The following HEMK2 variants were observed in gnomAD, a reference collection of about 807,000 sequenced individuals.
The protein encoded by HEMK2 is HemK methyltransferase 2, ETF1 glutamine and histone H4 lysine.
the HEMK2 span, among the ~76,000 whole-genome samples, chr21:28,682,570 A>G: frequency 3.9e-5 from 6 of 152,192 alleles, no homozygotes; most frequent in African/African-American, 1.4e-4. Flanking sequence ...CCAAAGGATT[A>G]TAAATCATGC....
At chr21:28,838,735 T>C in the HEMK2 span, among the ~76,000 whole-genome samples, 1 of 151,000 alleles carries the variant, frequency 6.6e-6, no homozygotes, top group African/African-American at 2.4e-5. Context: ...AAGTCGGTAG[T>C]TCGAGACCAG....
chr21:28,870,949 A>C, the HEMK2 span, among the ~76,000 whole-genome samples: 2 of 152,140 alleles, frequency 1.3e-5, no homozygotes, highest in Non-Finnish European at 2.9e-5. Context: ...TTAGTTTCAG[A>C]GTTCTATATT....
At chr21:28,847,332 G>T in the HEMK2 span, among the ~76,000 whole-genome samples, 2 of 152,100 alleles carry the variant, frequency 1.3e-5, no homozygotes, top group Admixed American at 1.3e-4. Flanking sequence ...ATGCAAGATG[G>T]CATGTCATCG....
the HEMK2 span, among the ~76,000 whole-genome samples, chr21:28,779,020 G>A: frequency 3.9e-5 from 6 of 152,136 alleles, no homozygotes; most frequent in African/African-American, 1.4e-4. Flanking sequence ...AGGACAAGGA[G>A]ACTTGAAGCT....
At chr21:28,601,604 A>ATCTCTCTCTCTC in the HEMK2 span, among the ~76,000 whole-genome samples, 813 of 126,724 alleles carry the variant, frequency 6.4e-3, 11 homozygotes, top group African/African-American at 0.016. Context: ...ACCTTCTGAC[A>ATCTCTCTCTCTC]TCTCTCTCTC....
chr21:28,855,569 C>T, the HEMK2 span, among the ~76,000 whole-genome samples: 2 of 152,184 alleles, frequency 1.3e-5, no homozygotes, highest in East Asian at 1.9e-4. Flanking sequence ...ACATTCTTCT[C>T]ATTTGCACAT....
At chr21:28,586,791 C>T in the HEMK2 span, among the ~76,000 whole-genome samples, 1 of 152,184 alleles carries the variant, frequency 6.6e-6, no homozygotes, top group Non-Finnish European at 1.5e-5. Flanking sequence ...TGAGAGCCCA[C>T]TTTCTGGTTC....
chr21:28,612,188 A>T, the HEMK2 span, among the ~76,000 whole-genome samples: 1 of 151,616 alleles, frequency 6.6e-6, no homozygotes, highest in African/African-American at 2.4e-5. Context: ...AAAAAAAAAA[A>T]TCTAGCTAGC....
chr21:28,677,362 C>A, the HEMK2 span, among the ~76,000 whole-genome samples: 18 of 152,340 alleles, frequency 1.2e-4, no homozygotes, highest in Non-Finnish European at 2.2e-4. Flanking sequence ...GGGTGTCCAC[C>A]ATTGCCGAGG....
At chr21:28,721,200 C>A in the HEMK2 span, among the ~76,000 whole-genome samples, 1 of 152,152 alleles carries the variant, frequency 6.6e-6, no homozygotes, top group African/African-American at 2.4e-5. Context: ...AATGAAGCCT[C>A]GACCTCCAGG....
the HEMK2 span, among the ~76,000 whole-genome samples, chr21:28,729,806 C>T: frequency 6.6e-6 from 1 of 152,158 alleles, no homozygotes; most frequent in South Asian, 2.1e-4. Flanking sequence ...GGAGAGTTTT[C>T]ACGTTGAGGT....
At chr21:28,782,691 C>T in the HEMK2 span, among the ~76,000 whole-genome samples, 12 of 152,138 alleles carry the variant, frequency 7.9e-5, no homozygotes, top group South Asian at 2.1e-4. Context: ...TGGGGATAAA[C>T]GGAGAGTGAT....
At chr21:28,694,928 G>A in the HEMK2 span, among the ~76,000 whole-genome samples, 16 of 151,752 alleles carry the variant, frequency 1.1e-4, no homozygotes, top group Non-Finnish European at 2.4e-4. Context: ...AACCCAGGAG[G>A]CGGAGCTTGC....
At chr21:28,707,488 T>G in the HEMK2 span, among the ~76,000 whole-genome samples, 1 of 152,050 alleles carries the variant, frequency 6.6e-6, no homozygotes, top group Non-Finnish European at 1.5e-5. Flanking sequence ...ACTCCTTGCC[T>G]CAAGTAATCC....
At chr21:28,747,877 T>G in the HEMK2 span, among the ~76,000 whole-genome samples, 1 of 152,142 alleles carries the variant, frequency 6.6e-6, no homozygotes, top group East Asian at 1.9e-4. Context: ...TGTAAGAAAT[T>G]AAAAGGAACA....
the HEMK2 span, among the ~76,000 whole-genome samples, chr21:28,759,454 A>G: frequency 1.3e-5 from 2 of 152,310 alleles, no homozygotes; most frequent in Non-Finnish European, 2.9e-5. Flanking sequence ...GCTCATCGGC[A>G]GAAGGGACTT....
the HEMK2 span, among the ~76,000 whole-genome samples, chr21:28,752,866 G>C: frequency 2.7e-3 from 407 of 152,320 alleles, 3 homozygotes; most frequent in African/African-American, 9.2e-3. Context: ...TCATGACACA[G>C]AGGGCCACGG....
At chr21:28,664,322 T>C in the HEMK2 span, among the ~76,000 whole-genome samples, 1 of 152,206 alleles carries the variant, frequency 6.6e-6, no homozygotes, top group East Asian at 1.9e-4. Context: ...CATAAATAAA[T>C]ATATGTACAT....
chr21:28,656,703 C>T, the HEMK2 span, among the ~76,000 whole-genome samples: 2 of 152,188 alleles, frequency 1.3e-5, no homozygotes, highest in Middle Eastern at 6.8e-3. Context: ...TAATCATCTG[C>T]CTCACAAAGG....
Sources: gnomAD v4.1 joint callset for allele counts (sites outside exome capture counted in the v4.1 genomes callset) on GRCh38, gnomAD v4.1.1 for gene constraint, MANE v1.5 for transcripts, NCBI Gene and HGNC (gene_info 2026-07-23, HGNC 2026-07-21) for gene names.